ANK1: variants seen among roughly 807,000 people sequenced by gnomAD.
ANK1 encodes the protein ankyrin 1.
In ANK1, 51 loss-of-function variants were observed where a neutral mutation model predicts 210.4. The observed-to-expected ratio is 0.24, with a 90% CI of 0.19 to 0.31. The LOEUF is 0.31. ANK1 is among the 10% of genes least tolerant of loss of function. The pLI is 1.00. For missense variants in ANK1, 2,051 were observed against 2,504.4 expected, an observed-to-expected ratio of 0.82 and a Z score of 3.86; for synonymous variants, 967 against 1,025.9, an observed-to-expected ratio of 0.94 and a Z score of 1.10.
In ANK1 at chr8:41,892,440, T is replaced by G. The variant is rs1484682663; in HGVS notation, c.126+3915A>C. On this transcript the variant is annotated intron_variant, in intron 1 of 42. Transcript: ENST00000265709. Reference sequence around the variant, plus strand: ...TCTCCAGGCCTGGGCTTTCTTTTCTTTCTTCCTGCACTCTTCCTCCATCCC... The same window carrying G: ...TCTCCAGGCCTGGGCTTTCTTTTCTGTCTTCCTGCACTCTTCCTCCATCCC... Among the ~76,000 whole-genome samples, 2 of 152,182 alleles carry G rather than the reference T, an allele frequency of 1.3e-5. 1 individual carries two copies. The highest frequency in any genetic ancestry group is 1.3e-4 in the Admixed American group (2 of 15,276).
chr8:41,664,099 T>C (rs185647383), intron 39 of ANK1: 32 of 469,632 alleles, frequency 6.8e-5, no homozygotes, highest in African/African-American at 3.9e-4. Flanking sequence ...CTTTGCAGTA[T>C]AGAAAAGCCC....
At chr8:41,674,090 A>G (rs1813374470) in intron 37 of ANK1, among the ~76,000 whole-genome samples, 1 of 151,986 alleles carries the variant, frequency 6.6e-6, no homozygotes, top group East Asian at 1.9e-4. Flanking sequence ...GCTTTGATTC[A>G]AGCCAGGCGG....
At chr8:41,671,531 G>A (rs565398660) in intron 38 of ANK1, among the ~76,000 whole-genome samples, 65 of 152,092 alleles carry the variant, frequency 4.3e-4, no homozygotes, top group Non-Finnish European at 7.2e-4. Context: ...AGCCCTTCCC[G>A]TGCACTAATG....
Position 41,692,827 on chromosome 8 carries a change from T to A in ANK1, c.3679A>T (p.Thr1227Ser), listed in dbSNP as rs753244752. The change falls in exon 31 of 43, where the codon ACC becomes TCC. Residue 1227 changes from threonine to serine, a missense_variant. Physicochemically the swap from Thr to Ser is moderately conservative, Grantham distance 58. Coordinates refer to ENST00000289734, the MANE Select transcript of ANK1 (RefSeq NM_000037.4). ...GCAGTGAGCTCTTTGTACAGCAGGG[T>A]GGCAAAGTTCACAGCCTCAGCAGTC... Reference protein sequence around the residue: ...PRTAEAVNFATLLYKELTAVP... With the variant: ...PRTAEAVNFASLLYKELTAVP... The A allele has an allele frequency of 1.8e-5, 29 of 1,613,898 alleles. No homozygotes were observed. The African/African-American group carries it at 3.9e-4, about 22-fold the overall frequency.
rs138209011 is a variant in ANK1 at position 41,668,331 on chromosome 8, C to G, written c.5330G>C (p.Arg1777Pro). Residue 1777 changes from arginine (R) to proline (P), a missense_variant, in exon 39 of 43, where the codon CGG (arginine) becomes CCG (proline). Around this residue, in one of 6 missense-constraint regions of ANK1, gnomAD observed 496 missense variants for 533.4 expected, o/e 0.93. Coordinates refer to ENST00000289734, the MANE Select transcript of ANK1 (RefSeq NM_000037.4). The part of the protein sequence containing the change: ...EAESSQADRD[R>P]RQQGQEEQVQ... ...CTGCTCTTCTTGGCCTTGCTGCCTC[C>G]GGTCCCTGTCGGCCTGGGAGCTCTC... 6.8e-6 allele frequency: 11 copies of G among 1,614,088 alleles called. No individual in the cohort carries two copies. Among genetic ancestry groups the G allele is most frequent in the Non-Finnish European group, 9.3e-6 (11 of 1,180,050 alleles).
chr8:41,869,937 T>C (rs1815158979), intron 1 of ANK1, among the ~76,000 whole-genome samples: 1 of 152,174 alleles, frequency 6.6e-6, no homozygotes, highest in African/African-American at 2.4e-5. Context: ...ACAGATGACT[T>C]ACTAAGAAGA....
intron 37 of ANK1, among the ~76,000 whole-genome samples, chr8:41,680,970 G>C (rs1156322368): frequency 2.0e-5 from 3 of 152,194 alleles, no homozygotes; most frequent in Non-Finnish European, 4.4e-5. Context: ...TCCTCTTGGG[G>C]CTACATGTTG....
At chr8:41,718,728 T>TG (rs1315965634) in intron 10 of ANK1, among the ~76,000 whole-genome samples, 51 of 152,080 alleles carry the variant, frequency 3.4e-4, no homozygotes, top group African/African-American at 1.2e-3. Context: ...CGGGAGGTGG[T>TG]GGTGGGGGGG....
chr8:41,775,690 G>A (rs946875974), intron 1 of ANK1, among the ~76,000 whole-genome samples: 2 of 152,074 alleles, frequency 1.3e-5, no homozygotes, highest in African/African-American at 4.8e-5. Flanking sequence ...GACCAGCCTG[G>A]GCAACATAGC....
In ANK1 at chr8:41,654,469, G is replaced by A. The variant is rs1247357159; in HGVS notation, c.*1321C>T. 1 of 152,580 alleles carries A rather than the reference G, an allele frequency of 6.6e-6. No homozygotes were observed. The highest frequency in any genetic ancestry group is 2.4e-5 in the African/African-American group (1 of 41,446). The allele number at this position is 152,580 out of a possible 1,614,324, so 9.5% of individuals were successfully genotyped here. On this transcript the variant is annotated 3_prime_UTR_variant, in exon 43 of 43. Coordinates refer to ENST00000289734, the MANE Select transcript of ANK1 (RefSeq NM_000037.4). ...AGGACAGGGAACAGCCTCGAGCCTG[G>A]CACCTGCACCCAGGGTCCCCAGCCT...
chr8:41,676,214 A>G (rs1814108973), intron 37 of ANK1, among the ~76,000 whole-genome samples: 1 of 152,216 alleles, frequency 6.6e-6, no homozygotes, highest in Admixed American at 6.5e-5. Context: ...GTGGTGTATG[A>G]GAGTTCCAGT....
Position 41,668,362 on chromosome 8 carries a change from C to T in ANK1, c.5299G>A (p.Glu1767Lys), listed in dbSNP as rs149529557. 132 of 1,614,120 alleles carry T rather than the reference C, an allele frequency of 8.2e-5. No individual in the cohort carries two copies. The highest frequency in any genetic ancestry group is 1.1e-4 in the Non-Finnish European group (125 of 1,180,044). ...VSEHTWTEQP[E>K]AESSQADRDR... ...CTGTCGGCCTGGGAGCTCTCAGCCT[C>T]GGGCTGTTCTGTCCACGTGTGCTCA... Residue 1767 changes from glutamate to lysine, a missense_variant, in exon 39 of 43, where the codon GAG becomes AAG. Transcript: ENST00000289734.
At chr8:41,737,470 C>T (rs940576780) in intron 2 of ANK1, among the ~76,000 whole-genome samples, 1 of 152,126 alleles carries the variant, frequency 6.6e-6, no homozygotes, top group Non-Finnish European at 1.5e-5. Context: ...CTGCAGAAAA[C>T]CCCCTTTCTT....
intron 1 of ANK1, among the ~76,000 whole-genome samples, chr8:41,833,337 G>T (rs956147193): frequency 1.3e-5 from 2 of 152,208 alleles, no homozygotes; most frequent in Non-Finnish European, 2.9e-5. Flanking sequence ...GTGATAGCAG[G>T]TGTCTGGGGG....
At chr8:41,701,173 C>T (rs1159656962) in intron 22 of ANK1, among the ~76,000 whole-genome samples, 1 of 152,166 alleles carries the variant, frequency 6.6e-6, no homozygotes, top group East Asian at 1.9e-4. Context: ...TTGAATAATC[C>T]ACTTAGTATT....
chr8:41,896,228 T>C, intron 1 of ANK1: 1 of 1,302,394 alleles, frequency 7.7e-7, no homozygotes. Flanking sequence ...CCTTCCCCGC[T>C]CGGGTGCCGC....
chr8:41,759,918 A>G (rs1342915035), intron 1 of ANK1, among the ~76,000 whole-genome samples: 2 of 152,178 alleles, frequency 1.3e-5, no homozygotes, highest in Non-Finnish European at 2.9e-5. Context: ...AGGCACAGCC[A>G]GGACTCAGAT....
intron 29 of ANK1, 64 bp downstream of exon 29, chr8:41,693,834 C>T: frequency 1.3e-6 from 2 of 1,531,042 alleles, no homozygotes; most frequent in Admixed American, 2.0e-5. Flanking sequence ...CGAGTCACCC[C>T]CCTACTGTGT....
In ANK1 at chr8:41,706,166, C is replaced by T. The variant is rs561437854; in HGVS notation, c.2074G>A (p.Val692Ile). ...ACCCGGGTGGTGGCGTCCACCATGA[C>T]GCCGTGTTTGATCAGCACATCTGCC... is the stretch of plus-strand genomic sequence containing the variant. ...PVADVLIKHG[V>I]MVDATTRMGY... Residue 692 changes from valine (V) to isoleucine (I), a missense_variant, in exon 18 of 43, where the codon GTC (valine) becomes ATC (isoleucine). Physicochemically the swap from Val to Ile is conservative, Grantham distance 29. Coordinates refer to ENST00000289734, the MANE Select transcript of ANK1 (RefSeq NM_000037.4). The T allele has an allele frequency of 2.5e-6, 4 of 1,614,026 alleles. No individual in the cohort carries two copies. The highest frequency in any genetic ancestry group is 1.1e-5 in the South Asian group (1 of 91,080).
Sources: allele counts gnomAD v4.1 joint callset (sites outside exome capture counted in the v4.1 genomes callset), GRCh38; gene constraint gnomAD v4.1.1; regional missense constraint gnomAD v4.1.1; transcripts MANE v1.5; gene names NCBI Gene and HGNC (gene_info 2026-07-23, HGNC 2026-07-21).